The following FAM168A variants were observed in gnomAD, a reference collection of about 807,000 sequenced individuals.
FAM168A encodes family with sequence similarity 168 member A.
Under a neutral mutation model 28.5 loss-of-function variants are expected in FAM168A, and 3 were observed. The ratio of observed to expected loss-of-function variants is 0.11; its 90% CI spans 0.05 to 0.27. The LOEUF (loss-of-function observed/expected upper bound fraction) is 0.27. Ranked by LOEUF, FAM168A falls within the 10% of genes least tolerant of loss-of-function variation. The pLI, the probability that FAM168A is intolerant of heterozygous loss-of-function variation, is 1.00. For synonymous variants in FAM168A, 122 were observed against 124.2 expected (o/e 0.98, Z 0.12); for missense variants, 222 against 311.5 (o/e 0.71, Z 2.16).
intron 2 of FAM168A, among the ~76,000 whole-genome samples, chr11:73,446,689 T>C (rs1056571144): frequency 2.0e-5 from 3 of 152,218 alleles, no homozygotes; most frequent in Non-Finnish European, 4.4e-5. Flanking sequence ...GAATGCCTAC[T>C]GAAAGCTAGA....
chr11:73,476,256 A>T (rs1194239022), intron 1 of FAM168A, among the ~76,000 whole-genome samples: 1 of 152,154 alleles, frequency 6.6e-6, no homozygotes, highest in Non-Finnish European at 1.5e-5. Context: ...AGAACTCCTG[A>T]TCAAACATTG....
chr11:73,533,241 T>A (rs992043026), intron 1 of FAM168A, among the ~76,000 whole-genome samples: 2 of 152,120 alleles, frequency 1.3e-5, no homozygotes, highest in Non-Finnish European at 2.9e-5. Flanking sequence ...TGAGATAATA[T>A]AGATGAAAGC....
At chr11:73,578,811 T>C (rs769477652) in intron 1 of FAM168A, among the ~76,000 whole-genome samples, 1 of 152,272 alleles carries the variant, frequency 6.6e-6, no homozygotes, top group African/African-American at 2.4e-5. Context: ...AATCCCATCC[T>C]TGCCTCTTAC....
chr11:73,406,103 T>G lies in FAM168A; in HGVS notation c.*660A>C. 1 of 148,524 alleles carries G rather than the reference T, an allele frequency of 6.7e-6. No individual in the cohort carries two copies. The highest frequency in any genetic ancestry group is 1.5e-5 in the Non-Finnish European group (1 of 67,028). 9.2% of individuals were successfully genotyped at this position (148,524 alleles called of 1,614,324 possible). ...CCTTCTTCCCTCTCCTTCCCCACAA[T>G]GCCCTCCCTCCCCCCACCCTCCCCC... On this transcript the variant is annotated 3_prime_UTR_variant, in exon 8 of 8. Transcript: ENST00000356467.
At chr11:73,542,144 G>A (rs989731794) in intron 1 of FAM168A, among the ~76,000 whole-genome samples, 1 of 152,168 alleles carries the variant, frequency 6.6e-6, no homozygotes, top group African/African-American at 2.4e-5. Context: ...TTTCCTAGGT[G>A]AGCACATCTA....
intron 1 of FAM168A, among the ~76,000 whole-genome samples, chr11:73,544,747 T>A (rs1281335867): frequency 8.5e-6 from 1 of 118,204 alleles, no homozygotes; most frequent in African/African-American, 3.3e-5. Flanking sequence ...TATAATTATA[T>A]ATTTTATATG....
At chr11:73,575,773 G>A (rs563791677) in intron 1 of FAM168A, among the ~76,000 whole-genome samples, 1 of 152,198 alleles carries the variant, frequency 6.6e-6, no homozygotes, top group African/African-American at 2.4e-5. Flanking sequence ...GGAGGCTGAG[G>A]CAGGACAATC....
intron 4 of FAM168A, 66 bp from the exon 5 acceptor site, chr11:73,411,602 G>A (rs1866612189): frequency 4.5e-6 from 7 of 1,568,214 alleles, no homozygotes; most frequent in Non-Finnish European, 5.2e-6. Flanking sequence ...AAGGCAGCAG[G>A]TCCCAGTCAC....
chr11:73,580,447 G>C, intron 1 of FAM168A: 1 of 620,954 alleles, frequency 1.6e-6, no homozygotes, highest in Non-Finnish European at 3.1e-6. Flanking sequence ...GCCAGGATGG[G>C]GATAACCCTA....
At chr11:73,552,306 T>C (rs1590850035) in intron 1 of FAM168A, among the ~76,000 whole-genome samples, 1 of 152,160 alleles carries the variant, frequency 6.6e-6, no homozygotes, top group Non-Finnish European at 1.5e-5. Context: ...CGAAAGAAAA[T>C]GTATATAAAA....
chr11:73,539,920 G>C (rs1943633077), intron 1 of FAM168A, among the ~76,000 whole-genome samples: 1 of 152,226 alleles, frequency 6.6e-6, no homozygotes, highest in Non-Finnish European at 1.5e-5. Flanking sequence ...CAGGAAGCCT[G>C]ACAGGGAAGC....
At chr11:73,434,557 G>T (rs1867056052) in intron 2 of FAM168A, among the ~76,000 whole-genome samples, 1 of 152,202 alleles carries the variant, frequency 6.6e-6, no homozygotes, top group Non-Finnish European at 1.5e-5. Context: ...GACAATGTTG[G>T]AGGAACAGCA....
chr11:73,455,347 A>G (rs1234191325), intron 2 of FAM168A, among the ~76,000 whole-genome samples: 1 of 152,232 alleles, frequency 6.6e-6, no homozygotes, highest in Non-Finnish European at 1.5e-5. Flanking sequence ...CACAAGGGGT[A>G]GACAAGGGTG....
At chr11:73,578,441 G>C (rs779905349) in intron 1 of FAM168A, among the ~76,000 whole-genome samples, 26 of 152,036 alleles carry the variant, frequency 1.7e-4, no homozygotes, top group South Asian at 4.2e-4. Context: ...ATCACTTACT[G>C]TATGCCAATT....
In FAM168A at chr11:73,440,842, G is replaced by C. The variant is rs575183673; in HGVS notation, c.71-10072C>G. The stretch of plus-strand genomic sequence containing the variant: ...AAAAGGCAAGCACAGAGAAATAAAA[G>C]ACATTTGTAACATATGTAACATTGG... On this transcript the variant is annotated intron_variant, in intron 2 of 7. Coordinates refer to ENST00000356467, the MANE Select transcript of FAM168A (RefSeq NM_015159.3). 2.0e-5 allele frequency among the ~76,000 whole-genome samples: 3 copies of C among 152,102 alleles called. No homozygotes were observed. The East Asian group carries it at 5.8e-4, about 29-fold the overall frequency.
intron 1 of FAM168A, among the ~76,000 whole-genome samples, chr11:73,547,010 C>T (rs1291585787): frequency 6.7e-6 from 1 of 148,922 alleles, no homozygotes; most frequent in Non-Finnish European, 1.5e-5. Flanking sequence ...AAATGGGCTG[C>T]GCACAGTGAC....
Position 73,425,003 on chromosome 11 carries a change from G to C in FAM168A, c.152-5004C>G, listed in dbSNP as rs1348338675. On this transcript the variant is annotated intron_variant, in intron 3 of 7. Coordinates refer to ENST00000356467, the MANE Select transcript of FAM168A (RefSeq NM_015159.3). ...CATTCATAGGCTGTAATACAGATGA[G>C]GAAAAATAGCTTTCCTACCATAAGC... The C allele has an allele frequency of 2.0e-6, 3 of 1,523,564 alleles. No homozygotes were observed. In the Admixed American group the frequency reaches 6.1e-5, roughly 31 times the overall value. 94.4% of individuals were successfully genotyped at this position (1,523,564 alleles called of 1,614,324 possible). A position where few individuals can be genotyped will look rare whatever the true frequency, so the allele number is the denominator to read the frequency against.
At chr11:73,501,860 G>A (rs1461028541) in intron 1 of FAM168A, among the ~76,000 whole-genome samples, 1 of 152,134 alleles carries the variant, frequency 6.6e-6, no homozygotes, top group Admixed American at 6.5e-5. Flanking sequence ...CCAGCACTTT[G>A]GGAGGCCAAG....
chr11:73,552,949 T>A (rs959360590), intron 1 of FAM168A, among the ~76,000 whole-genome samples: 1 of 152,118 alleles, frequency 6.6e-6, no homozygotes, highest in Non-Finnish European at 1.5e-5. Flanking sequence ...AGAGTGAGAT[T>A]CTGTCTCAAT....
Sources: gnomAD v4.1 joint callset for allele counts (sites outside exome capture counted in the v4.1 genomes callset) on GRCh38, gnomAD v4.1.1 for gene constraint, MANE v1.5 for transcripts, NCBI Gene and HGNC (gene_info 2026-07-23, HGNC 2026-07-21) for gene names.